The following ANKRD6 variants were observed in gnomAD, a reference collection of about 807,000 sequenced individuals.
The protein encoded by ANKRD6 is ankyrin repeat domain 6, also known as ankyrin repeat domain-containing protein 6.
ANKRD6 carries 56 observed loss-of-function variants against 82.3 expected under a neutral mutation model. That is an observed-to-expected ratio of 0.68 (90% CI 0.55 to 0.85). The LOEUF is 0.85. ANKRD6 is among the 40% of genes least tolerant of loss of function. The pLI, the probability that ANKRD6 is intolerant of heterozygous loss-of-function variation, is 0.00. For synonymous variants in ANKRD6, 347 were observed against 352.1 expected, an observed-to-expected ratio of 0.99 and a Z score of 0.16; for missense variants, 852 against 907.6, an observed-to-expected ratio of 0.94 and a Z score of 0.79.
chr6:89,606,211 T>G (rs989617278), intron 5 of ANKRD6, 106 bp downstream of exon 5: 2 of 875,772 alleles, frequency 2.3e-6, no homozygotes, highest in East Asian at 2.7e-5. Context: ...GAGCCCAGAG[T>G]GGCACGAGGA....
chr6:89,473,060 T>C (rs1383109558), intron 1 of ANKRD6, among the ~76,000 whole-genome samples: 1 of 152,208 alleles, frequency 6.6e-6, no homozygotes, highest in East Asian at 1.9e-4. Flanking sequence ...TACCTTTTAA[T>C]CTTACATAGC....
chr6:89,530,508 G>T (rs1236428296), intron 1 of ANKRD6, among the ~76,000 whole-genome samples: 1 of 152,128 alleles, frequency 6.6e-6, no homozygotes, highest in Non-Finnish European at 1.5e-5. Flanking sequence ...GCCTCATTCT[G>T]TGGTGACCTT....
Position 89,474,255 on chromosome 6 carries a change from A to G in ANKRD6, c.-144+40880A>G, listed in dbSNP as rs557837966. Among the ~76,000 whole-genome samples, 6 of 152,308 alleles carry G rather than the reference A, an allele frequency of 3.9e-5. No individual in the cohort carries two copies. The South Asian group carries it at 1.2e-3, about 32-fold the overall frequency. ...ACCTCACAGTGAAGGGTGTTGATGG[A>G]CAAGAGAGCTGTGTGTGATGCTACA... On this transcript the variant is annotated intron_variant, in intron 1 of 15. Coordinates refer to ENST00000339746, the MANE Select transcript of ANKRD6 (RefSeq NM_001242809.2).
At chr6:89,491,134 G>A (rs1260122785) in intron 1 of ANKRD6, among the ~76,000 whole-genome samples, 1 of 152,128 alleles carries the variant, frequency 6.6e-6, no homozygotes, top group Non-Finnish European at 1.5e-5. Flanking sequence ...CAGCTCCGCC[G>A]ACAACTTCAT....
In ANKRD6 at chr6:89,434,405, C is replaced by T. The variant is rs957480971; in HGVS notation, c.-144+1030C>T. Among the ~76,000 whole-genome samples, 10 of 152,296 alleles carry T rather than the reference C, an allele frequency of 6.6e-5. No individual in the cohort carries two copies. The East Asian group carries it at 1.7e-3, about 26-fold the overall frequency. Reference sequence around the variant, plus strand: ...ACTTGGGCAATGAAGACAAACACACCTGGGTCCAAGGTGGTCCCATCCATG... The same window carrying T: ...ACTTGGGCAATGAAGACAAACACACTTGGGTCCAAGGTGGTCCCATCCATG... On this transcript the variant is annotated intron_variant, in intron 1 of 15. Coordinates refer to ENST00000339746, the MANE Select transcript of ANKRD6 (RefSeq NM_001242809.2).
chr6:89,453,840 C>T (rs752453776), intron 1 of ANKRD6, among the ~76,000 whole-genome samples: 1 of 151,610 alleles, frequency 6.6e-6, no homozygotes, highest in South Asian at 2.1e-4. Flanking sequence ...CTCGCTCTGT[C>T]GCCCAGGCTT....
intron 1 of ANKRD6, among the ~76,000 whole-genome samples, chr6:89,454,581 G>A (rs931556841): frequency 6.6e-6 from 1 of 152,190 alleles, no homozygotes; most frequent in Non-Finnish European, 1.5e-5. Context: ...AGAGCTATTT[G>A]TGAAGTCTGT....
chr6:89,448,365 T>C (rs1254837950), intron 1 of ANKRD6, among the ~76,000 whole-genome samples: 2 of 151,750 alleles, frequency 1.3e-5, no homozygotes, highest in Non-Finnish European at 2.9e-5. Context: ...GACTGGAAGG[T>C]TGAGGCTGCA....
At chr6:89,498,483 A>T (rs1417286261) in intron 1 of ANKRD6, among the ~76,000 whole-genome samples, 2 of 152,086 alleles carry the variant, frequency 1.3e-5, no homozygotes, top group Non-Finnish European at 2.9e-5. Context: ...CTTAATTCAA[A>T]CATCAGTCTG....
At chr6:89,469,267 C>T (rs1775189153) in intron 1 of ANKRD6, among the ~76,000 whole-genome samples, 1 of 152,156 alleles carries the variant, frequency 6.6e-6, no homozygotes, top group South Asian at 2.1e-4. Context: ...TCATATCACT[C>T]TTATTTGTTG....
intron 1 of ANKRD6, among the ~76,000 whole-genome samples, chr6:89,505,477 C>T (rs1329503826): frequency 6.6e-6 from 1 of 152,088 alleles, no homozygotes; most frequent in African/African-American, 2.4e-5. Context: ...AAGATCTGGT[C>T]CTCTGGCAGG....
rs76707384 is a variant in ANKRD6 at position 89,574,925 on chromosome 6, G to A, written c.120+7829G>A. Among the ~76,000 whole-genome samples the A allele has an allele frequency of 7.3e-3, 1,110 of 152,302 alleles. 6 individuals carry two copies. Among genetic ancestry groups the A allele is most frequent in the South Asian group, 0.017 (80 of 4,830 alleles). On this transcript the variant is annotated intron_variant, in intron 2 of 15. Coordinates refer to ENST00000339746, the MANE Select transcript of ANKRD6 (RefSeq NM_001242809.2). ...ATTTATTTAACATGTACATACAGGA[G>A]CCTTCAGAATGAGGACCCAAAAATG...
chr6:89,609,194 G>A (rs762269518), intron 5 of ANKRD6, among the ~76,000 whole-genome samples: 8 of 152,220 alleles, frequency 5.3e-5, no homozygotes, highest in Admixed American at 3.3e-4. Context: ...AGCAAGCTAC[G>A]TATGGTAATA....
At chr6:89,516,428 T>G (rs1047592616) in intron 1 of ANKRD6, among the ~76,000 whole-genome samples, 1 of 152,186 alleles carries the variant, frequency 6.6e-6, no homozygotes, top group Non-Finnish European at 1.5e-5. Flanking sequence ...GGTTTCCAGC[T>G]TACAGGGGTC....
intron 13 of ANKRD6, among the ~76,000 whole-genome samples, chr6:89,627,137 A>G (rs539941629): frequency 3.3e-5 from 5 of 151,136 alleles, no homozygotes; most frequent in African/African-American, 9.7e-5. Context: ...GCTCACTGCA[A>G]CCTCTGCCTT....
chr6:89,527,614 A>AG (rs1303909994), intron 1 of ANKRD6, among the ~76,000 whole-genome samples: 1 of 151,094 alleles, frequency 6.6e-6, no homozygotes, highest in Non-Finnish European at 1.5e-5. Context: ...AAAAAAAAAA[A>AG]AAAAAAAAAA....
chr6:89,470,813 A>G (rs1374046575), intron 1 of ANKRD6, among the ~76,000 whole-genome samples: 1 of 152,122 alleles, frequency 6.6e-6, no homozygotes, highest in Non-Finnish European at 1.5e-5. Flanking sequence ...TCGCTGGGTC[A>G]AAGTATATTT....
intron 1 of ANKRD6, among the ~76,000 whole-genome samples, chr6:89,497,871 A>G (rs1239537572): frequency 1.3e-5 from 2 of 152,334 alleles, no homozygotes; most frequent in East Asian, 3.9e-4. Flanking sequence ...TTTAGTGATC[A>G]GTCCCCACTA....
At chr6:89,557,784 C>A (rs1271440260) in intron 1 of ANKRD6, among the ~76,000 whole-genome samples, 2 of 152,070 alleles carry the variant, frequency 1.3e-5, no homozygotes, top group Non-Finnish European at 2.9e-5. Flanking sequence ...GTCAGATCAG[C>A]GGCAGCGTTA....
Sources: gnomAD v4.1 joint callset for allele counts (sites outside exome capture counted in the v4.1 genomes callset) on GRCh38, gnomAD v4.1.1 for gene constraint, MANE v1.5 for transcripts, NCBI Gene and HGNC (gene_info 2026-07-23, HGNC 2026-07-21) for gene names.